Variants in SLC35F1 observed in about 807,000 individuals in gnomAD.
SLC35F1 encodes the protein chromosome 6 open reading frame 169.
In SLC35F1, 14 loss-of-function variants were observed where a neutral mutation model predicts 48.7. The ratio of observed to expected loss-of-function variants is 0.29; its 90% confidence interval spans 0.19 to 0.45. The LOEUF (loss-of-function observed/expected upper bound fraction) is 0.45. SLC35F1 is among the 20% of genes least tolerant of loss of function. The pLI is 1.00. For missense variants in SLC35F1, 404 were observed against 500.0 expected, an observed-to-expected ratio of 0.81 and a Z score of 1.83; for synonymous variants, 190 against 202.2, an observed-to-expected ratio of 0.94 and a Z score of 0.51.
chr6:118,217,208 T>G (rs1378369434), intron 2 of SLC35F1, among the ~76,000 whole-genome samples: 4 of 152,208 alleles, frequency 2.6e-5, no homozygotes, highest in Non-Finnish European at 5.9e-5. Flanking sequence ...GTTTTATTTG[T>G]GATGGCTAAG....
At position 118,211,774 on chromosome 6, in the gene SLC35F1, A is replaced by C. The variant is rs558170782; in HGVS notation, c.350-23735A>C. On this transcript the variant is annotated intron_variant, in intron 2 of 7. Coordinates refer to ENST00000360388, the MANE Select transcript of SLC35F1 (RefSeq NM_001029858.4). ...AAATTCCATGTCTGACCTTAGCCAGAATTGTACAGTGCTGAGTGGAAAGGA... is the reference window on the plus strand; with the variant it reads ...AAATTCCATGTCTGACCTTAGCCAGCATTGTACAGTGCTGAGTGGAAAGGA... 9.6e-4 allele frequency among the ~76,000 whole-genome samples: 146 copies of C among 152,348 alleles called. 2 individuals carry two copies. In the South Asian group the frequency reaches 0.016, roughly 16 times the overall value.
In SLC35F1 at chr6:117,924,148, T is replaced by TAGGTACACATGCATATGTATATAC. The variant is rs1775987503; in HGVS notation, c.173+16250_173+16251insGGTACACATGCATATGTATATACA. ...ATAGGTACACATGCATATGTATATA[T>TAGGTACACATGCATATGTATATAC]ACACACATAGGTACACATGCATATG... is the stretch of plus-strand genomic sequence containing the variant. On this transcript the variant is annotated intron_variant, in intron 1 of 7. Coordinates refer to ENST00000360388, the MANE Select transcript of SLC35F1 (RefSeq NM_001029858.4). Among the ~76,000 whole-genome samples, 2 of 93,120 alleles carry TAGGTACACATGCATATGTATATAC rather than the reference T, an allele frequency of 2.1e-5. 1 individual carries two copies. Among genetic ancestry groups the TAGGTACACATGCATATGTATATAC allele is most frequent in the African/African-American group, 9.9e-5 (2 of 20,154 alleles). 61.1% of individuals were successfully genotyped at this position (93,120 alleles called of 152,430 possible).
At chr6:118,069,913 G>T (rs1452552021) in intron 1 of SLC35F1, among the ~76,000 whole-genome samples, 1 of 151,236 alleles carries the variant, frequency 6.6e-6, no homozygotes, top group Non-Finnish European at 1.5e-5. Flanking sequence ...GAGGCGGGTG[G>T]ATCATGAGGT....
chr6:118,162,524 C>G (rs1774251651), intron 2 of SLC35F1, among the ~76,000 whole-genome samples: 1 of 152,084 alleles, frequency 6.6e-6, no homozygotes. Flanking sequence ...TTTATTGTAT[C>G]TAAGTTGTAC....
chr6:118,219,032 A>G (rs1303274719), intron 2 of SLC35F1, among the ~76,000 whole-genome samples: 1 of 152,156 alleles, frequency 6.6e-6, no homozygotes, highest in Non-Finnish European at 1.5e-5. Context: ...GGAGCTTTTG[A>G]AGGAAGTCTA....
intron 2 of SLC35F1, among the ~76,000 whole-genome samples, chr6:118,178,281 CCT>C (rs1242190262): frequency 6.6e-6 from 1 of 152,064 alleles, no homozygotes; most frequent in Non-Finnish European, 1.5e-5. Flanking sequence ...CTCCTCCACA[CCT>C]CTCTTGTTAG....
chr6:118,129,694 G>A (rs1257619943), intron 1 of SLC35F1, among the ~76,000 whole-genome samples: 3 of 151,766 alleles, frequency 2.0e-5, no homozygotes, highest in Admixed American at 2.0e-4. Flanking sequence ...TGAGAGAGAG[G>A]GGAAAATTAA....
At chr6:118,232,285 C>T (rs1335881203) in intron 2 of SLC35F1, among the ~76,000 whole-genome samples, 3 of 152,140 alleles carry the variant, frequency 2.0e-5, no homozygotes, top group East Asian at 3.9e-4. Flanking sequence ...GGCATAGTGG[C>T]TTACGCCTGT....
intron 3 of SLC35F1, among the ~76,000 whole-genome samples, chr6:118,255,897 C>T: frequency 6.6e-6 from 1 of 152,082 alleles, no homozygotes; most frequent in East Asian, 1.9e-4. Context: ...ACAGTAAAAC[C>T]TAAACAGTAA....
intron 2 of SLC35F1, among the ~76,000 whole-genome samples, chr6:118,184,838 C>T (rs1274635586): frequency 1.3e-5 from 2 of 152,166 alleles, no homozygotes; most frequent in Non-Finnish European, 1.5e-5. Flanking sequence ...ACCTCAGTCA[C>T]ATTTAGGGCT....
chr6:118,095,513 C>A (rs1217480630), intron 1 of SLC35F1, among the ~76,000 whole-genome samples: 5 of 152,058 alleles, frequency 3.3e-5, no homozygotes, highest in African/African-American at 1.2e-4. Context: ...GCCTTCAGTC[C>A]TCTTTCAGTC....
chr6:117,949,502 G>C (rs987092992), intron 1 of SLC35F1, among the ~76,000 whole-genome samples: 23 of 152,014 alleles, frequency 1.5e-4, no homozygotes, highest in African/African-American at 5.3e-4. Context: ...AAGCCTCTTT[G>C]TTAGGTTGGT....
intron 1 of SLC35F1, among the ~76,000 whole-genome samples, chr6:118,000,075 G>A (rs1162147950): frequency 6.6e-6 from 1 of 152,034 alleles, no homozygotes; most frequent in Non-Finnish European, 1.5e-5. Context: ...TAGAAAAAGA[G>A]GGAATCCTCC....
intron 1 of SLC35F1, among the ~76,000 whole-genome samples, chr6:117,995,943 C>T (rs1243645390): frequency 6.6e-6 from 1 of 152,064 alleles, no homozygotes; most frequent in Non-Finnish European, 1.5e-5. Flanking sequence ...GAGCAAATTA[C>T]TATTGAATAA....
intron 1 of SLC35F1, among the ~76,000 whole-genome samples, chr6:117,950,931 T>G (rs1210729702): frequency 1.3e-5 from 2 of 152,198 alleles, no homozygotes; most frequent in African/African-American, 4.8e-5. Flanking sequence ...TAAATTTTTT[T>G]CATATTATTT....
rs143527365 is a variant in SLC35F1 at position 118,146,820 on chromosome 6, T to C, written c.174-7625T>C. ...ACAGAGTTTGCACATAATAAATGAA[T>C]AAACATTGCGGGTAACTTGGCTACC... On this transcript the variant is annotated intron_variant, in intron 1 of 7. Transcript: ENST00000360388. Among the ~76,000 whole-genome samples, 893 of 152,306 alleles carry C rather than the reference T, an allele frequency of 5.9e-3. 4 individuals are homozygous for C. The highest frequency in any genetic ancestry group is 0.014 in the Middle Eastern group (4 of 294).
chr6:117,919,369 T>C (rs1404119949), intron 1 of SLC35F1, among the ~76,000 whole-genome samples: 1 of 152,208 alleles, frequency 6.6e-6, no homozygotes, highest in African/African-American at 2.4e-5. Context: ...CATTTCCCCT[T>C]GGATGTTTGG....
chr6:117,921,076 A>G (rs1775892630), intron 1 of SLC35F1, among the ~76,000 whole-genome samples: 1 of 151,726 alleles, frequency 6.6e-6, no homozygotes. Context: ...ACACACACAC[A>G]CACACACACA....
At chr6:118,263,209 A>G (rs1407320891) in intron 3 of SLC35F1, among the ~76,000 whole-genome samples, 1 of 152,148 alleles carries the variant, frequency 6.6e-6, no homozygotes, top group Non-Finnish European at 1.5e-5. Flanking sequence ...GGCATGCGCC[A>G]TCATGCCTGG....
Sources: allele counts gnomAD v4.1 joint callset (sites outside exome capture counted in the v4.1 genomes callset), GRCh38; gene constraint gnomAD v4.1.1; transcripts MANE v1.5; gene names NCBI Gene and HGNC (gene_info 2026-07-23, HGNC 2026-07-21).